CDH18: variants seen among roughly 807,000 people sequenced by gnomAD.
CDH18 encodes cadherin 18.
In CDH18, 31 loss-of-function variants were observed where a neutral mutation model predicts 67.9. That is an observed-to-expected ratio of 0.46 (90% CI 0.34 to 0.62). The LOEUF (loss-of-function observed/expected upper bound fraction) is 0.62. Ranked by LOEUF, CDH18 falls within the 20% of genes least tolerant of loss-of-function variation. The pLI, the probability that CDH18 is intolerant of heterozygous loss-of-function variation, is 0.01. For synonymous variants in CDH18, 362 were observed against 347.2 expected (o/e 1.04, Z -0.48); for missense variants, 890 against 975.5 (o/e 0.91, Z 1.17).
At chr5:20,317,196 G>T (rs575737886) in intron 1 of CDH18, among the ~76,000 whole-genome samples, 35 of 151,910 alleles carry the variant, frequency 2.3e-4, no homozygotes, top group African/African-American at 8.4e-4. Context: ...TAAATGTCTA[G>T]GCACATCTTT....
intron 10 of CDH18, among the ~76,000 whole-genome samples, chr5:19,504,301 G>A (rs1743736038): frequency 6.6e-6 from 1 of 151,978 alleles, no homozygotes; most frequent in African/African-American, 2.4e-5. Flanking sequence ...TTCCATCACT[G>A]CTCAAAAGAT....
intron 2 of CDH18, among the ~76,000 whole-genome samples, chr5:20,152,631 A>C (rs1177391325): frequency 1.3e-5 from 2 of 152,100 alleles, no homozygotes; most frequent in Non-Finnish European, 1.5e-5. Context: ...GTCTCTGACA[A>C]AAATATCTTA....
intron 2 of CDH18, among the ~76,000 whole-genome samples, chr5:19,960,586 T>TATATATATACACACACAC (rs1357426735): frequency 7.5e-6 from 1 of 132,740 alleles, no homozygotes; most frequent in Non-Finnish European, 1.5e-5. Flanking sequence ...TGTGTGTGTG[T>TATATATATACACACACAC]GTGTATATAT....
At chr5:20,403,126 C>G (rs773291964) in intron 1 of CDH18, among the ~76,000 whole-genome samples, 75 of 151,936 alleles carry the variant, frequency 4.9e-4, no homozygotes, top group Non-Finnish European at 8.7e-4. Flanking sequence ...GAGGTTGAAC[C>G]CATAAGAAAC....
At chr5:19,997,863 G>A (rs1337879813) in intron 2 of CDH18, among the ~76,000 whole-genome samples, 1 of 152,156 alleles carries the variant, frequency 6.6e-6, no homozygotes, top group Non-Finnish European at 1.5e-5. Context: ...TGAGTAGGTA[G>A]AGAAAGTTTC....
intron 12 of CDH18, among the ~76,000 whole-genome samples, chr5:19,480,023 A>T (rs1180274283): frequency 6.6e-6 from 1 of 152,198 alleles, no homozygotes; most frequent in Non-Finnish European, 1.5e-5. Flanking sequence ...TAGACATTTA[A>T]CACATTAATT....
intron 2 of CDH18, among the ~76,000 whole-genome samples, chr5:20,239,827 GTC>G (rs1742756834): frequency 6.6e-6 from 1 of 151,832 alleles, no homozygotes; most frequent in Admixed American, 6.6e-5. Context: ...TTAATTAAGA[GTC>G]TCCTGGATCT....
chr5:20,035,010 C>G (rs1739725408), intron 2 of CDH18, among the ~76,000 whole-genome samples: 1 of 152,014 alleles, frequency 6.6e-6, no homozygotes, highest in Non-Finnish European at 1.5e-5. Context: ...TCACATAAAA[C>G]CTTTCAAATC....
At chr5:19,983,124 T>C (rs1370818395) in intron 1 of CDH18, among the ~76,000 whole-genome samples, 1 of 151,994 alleles carries the variant, frequency 6.6e-6, no homozygotes, top group Non-Finnish European at 1.5e-5. Context: ...ATTTGATGGA[T>C]TGAAATGGCA....
chr5:19,653,045 A>G (rs1421415303), intron 5 of CDH18, among the ~76,000 whole-genome samples: 1 of 152,036 alleles, frequency 6.6e-6, no homozygotes, highest in African/African-American at 2.4e-5. Flanking sequence ...TTTGTGGGAA[A>G]ACACATTTTT....
At chr5:20,212,616 A>G (rs1016434621) in intron 2 of CDH18, among the ~76,000 whole-genome samples, 1 of 152,112 alleles carries the variant, frequency 6.6e-6, no homozygotes, top group African/African-American at 2.4e-5. Context: ...CGTGGGGGCC[A>G]ATATTCAACA....
intron 1 of CDH18, among the ~76,000 whole-genome samples, chr5:20,263,186 T>C (rs1744790203): frequency 6.6e-6 from 1 of 152,188 alleles, no homozygotes; most frequent in Non-Finnish European, 1.5e-5. Context: ...GAAGCTCTAA[T>C]ACTGTGTTAT....
intron 2 of CDH18, among the ~76,000 whole-genome samples, chr5:19,967,422 C>T (rs1797565946): frequency 6.6e-6 from 1 of 152,056 alleles, no homozygotes; most frequent in Non-Finnish European, 1.5e-5. Context: ...GTGTGCTTGA[C>T]ACTGTGTTCT....
At chr5:19,812,665 G>C (rs911087403) in intron 3 of CDH18, among the ~76,000 whole-genome samples, 6 of 152,082 alleles carry the variant, frequency 3.9e-5, no homozygotes, top group African/African-American at 1.4e-4. Flanking sequence ...AAATAAATCT[G>C]TAATGGGTCC....
chr5:19,989,084 T>C (rs928017293), upstream of CDH18, among the ~76,000 whole-genome samples: 15 of 152,292 alleles, frequency 9.8e-5, no homozygotes, highest in African/African-American at 3.4e-4. Context: ...GCATTCAAAA[T>C]TGATCTGGAC....
At chr5:19,712,792 T>C (rs1764871869) in intron 5 of CDH18, among the ~76,000 whole-genome samples, 1 of 151,654 alleles carries the variant, frequency 6.6e-6, no homozygotes, top group East Asian at 1.9e-4. Context: ...AATAATATTC[T>C]AGTGCTTTCT....
intron 2 of CDH18, among the ~76,000 whole-genome samples, chr5:20,072,622 T>C (rs1191422932): frequency 2.0e-5 from 3 of 152,046 alleles, no homozygotes; most frequent in Admixed American, 6.6e-5. Context: ...GCAAGTTCTA[T>C]CCTAAAGGTG....
At chr5:20,178,840 T>C (rs921104761) in intron 2 of CDH18, among the ~76,000 whole-genome samples, 2 of 152,100 alleles carry the variant, frequency 1.3e-5, no homozygotes, top group Non-Finnish European at 2.9e-5. Context: ...AAAAGTTAAG[T>C]GGCAGAACAA....
chr5:19,522,164 AAAG>A (rs537998490), intron 9 of CDH18, among the ~76,000 whole-genome samples: 35 of 152,300 alleles, frequency 2.3e-4, no homozygotes, highest in African/African-American at 8.4e-4. Context: ...GAATTAAATG[AAAG>A]ATGATAAAGC....
Sources: gnomAD v4.1 joint callset for allele counts (sites outside exome capture counted in the v4.1 genomes callset) on GRCh38, gnomAD v4.1.1 for gene constraint, MANE v1.5 for transcripts, NCBI Gene and HGNC (gene_info 2026-07-23, HGNC 2026-07-21) for gene names.